WNK4: variants seen among roughly 807,000 people sequenced by gnomAD.
The protein encoded by WNK4 is serine/threonine-protein kinase WNK4.
Under a neutral mutation model 116.2 loss-of-function variants are expected in WNK4, and 94 were observed. The observed-to-expected ratio is 0.81, with a 90% confidence interval of 0.68 to 0.96. WNK4 has a LOEUF of 0.96. WNK4 is among the 40% of genes least tolerant of loss of function. The pLI, the probability that WNK4 is intolerant of heterozygous loss-of-function variation, is 0.00. For synonymous variants in WNK4, 655 were observed against 672.7 expected (o/e 0.97, Z 0.41); for missense variants, 1,542 against 1,650.6 (o/e 0.93, Z 1.14).
Position 42,780,613 on chromosome 17 carries a change from G to T in WNK4, c.-86G>T, listed in dbSNP as rs2054469825. 1.9e-6 allele frequency: 3 copies of T among 1,557,582 alleles called. No individual in the cohort carries two copies. Among genetic ancestry groups the T allele is most frequent in the Non-Finnish European group, 2.6e-6 (3 of 1,152,448 alleles). On this transcript the variant is annotated 5_prime_UTR_variant, in exon 1 of 19. Coordinates refer to ENST00000246914, the MANE Select transcript of WNK4 (RefSeq NM_032387.5). Reference sequence around the variant, plus strand: ...CTGGGGCCGCAGCCGCTCAGCCGGAGCGCAGCGCACCCAGCGAGTCCGTCT... The same window carrying T: ...CTGGGGCCGCAGCCGCTCAGCCGGATCGCAGCGCACCCAGCGAGTCCGTCT...
rs758077564 is a variant in WNK4, at chr17:42,795,538, C to G, written c.3022+17C>G. On this transcript the variant is annotated intron_variant, in intron 15 of 18. Coordinates refer to ENST00000246914, the MANE Select transcript of WNK4 (RefSeq NM_032387.5). ...TCTCTGAAGGTAAGGCCTCTGACCACTGACCTTCCCCTGCCATTATCCCTA... is the reference window on the plus strand; with the variant it reads ...TCTCTGAAGGTAAGGCCTCTGACCAGTGACCTTCCCCTGCCATTATCCCTA... 4.3e-6 allele frequency: 7 copies of G among 1,614,136 alleles called. No homozygotes were observed. The African/African-American group carries it at 8.0e-5, about 18-fold the overall frequency.
intron 11 of WNK4, among the ~76,000 whole-genome samples, chr17:42,791,716 T>C (rs2054608388): frequency 2.0e-5 from 3 of 151,776 alleles, no homozygotes; most frequent in Admixed American, 6.6e-5. Flanking sequence ...CCCAGCACTT[T>C]TGGGAGGCTG....
rs768159533 is a variant in WNK4, at chr17:42,796,131, C to T, written c.3440C>T (p.Ser1147Leu). ...ELQSLRQKHL[S>L]EVETLQTLQK... The stretch of plus-strand genomic sequence containing the variant: ...CCTCCGTGCATCCTCAGGCACTTGT[C>T]AGAGGTGGAAACACTACAGACACTA... The change falls in exon 17 of 19, where the codon TCA becomes TTA. Residue 1147 changes from serine to leucine, a missense_variant. Physicochemically the swap from Ser to Leu is moderately radical, Grantham distance 145. Around this residue, in one of 7 missense-constraint regions of WNK4, gnomAD observed 148 missense variants for 157.2 expected, o/e 0.94. Coordinates refer to ENST00000246914, the MANE Select transcript of WNK4 (RefSeq NM_032387.5). The T allele has an allele frequency of 1.5e-5, 25 of 1,613,930 alleles. No individual in the cohort carries two copies. Among genetic ancestry groups the T allele is most frequent in the Non-Finnish European group, 2.1e-5 (25 of 1,180,024 alleles).
chr17:42,784,610 A>C lies in WNK4; in HGVS notation c.1170+31A>C. 6.2e-7 allele frequency: 1 copy of C among 1,613,496 alleles called. No individual in the cohort carries two copies. Among genetic ancestry groups the C allele is most frequent in the Non-Finnish European group, 8.5e-7 (1 of 1,179,918 alleles). On this transcript the variant is annotated intron_variant, in intron 4 of 18. Transcript: ENST00000246914. This position sits in a 1 kb window ranked among gnomAD's most constrained non-coding sequence, Gnocchi z 4.4. Reference sequence around the variant, plus strand: ...AGGGATGGGGCTGGCGGGAAAGGCAATTCCAGGGCCACTTCCCCTTTTCCT... The same window carrying C: ...AGGGATGGGGCTGGCGGGAAAGGCACTTCCAGGGCCACTTCCCCTTTTCCT...
chr17:42,795,861 G>A lies in WNK4; in HGVS notation c.3259G>A (p.Glu1087Lys). The change falls in exon 16 of 19, where the codon GAA becomes AAA. Residue 1087 changes from glutamate (E) to lysine (K), a missense_variant. By Grantham distance (56) the Glu-to-Lys change is moderately conservative. Coordinates refer to ENST00000246914, the MANE Select transcript of WNK4 (RefSeq NM_032387.5). ...AEGLGAGVEE[E>K]GDDGKEPQVG... is the part of the protein sequence containing the mutation. ...GGGTCTGGGGGCTGGAGTTGAGGAGGAAGGAGATGATGGGAAGGAACCCCA... is the reference window on the plus strand; with the variant it reads ...GGGTCTGGGGGCTGGAGTTGAGGAGAAAGGAGATGATGGGAAGGAACCCCA... The A allele has an allele frequency of 6.2e-7, 1 of 1,613,228 alleles. No individual in the cohort carries two copies. The highest frequency in any genetic ancestry group is 8.5e-7 in the Non-Finnish European group (1 of 1,179,584).
In WNK4 at chr17:42,788,674, T is replaced by A; in HGVS notation, c.2041-7T>A. ...CCTTCTCCCCTCTGCTGACTTTGAA[T>A]CTGAAGGTCTCAGACCAGAATGACA... On this transcript the variant is annotated splice_polypyrimidine_tract_variant and splice_region_variant and intron_variant, in intron 10 of 18. Transcript: ENST00000246914. 1.9e-6 allele frequency: 3 copies of A among 1,611,048 alleles called. No homozygotes were observed. Among genetic ancestry groups the A allele is most frequent in the Non-Finnish European group, 2.5e-6 (3 of 1,177,292 alleles).
rs200187290 is a variant in WNK4, at chr17:42,795,258, C to G, written c.2837C>G (p.Pro946Arg). 10 of 1,613,924 alleles carry G rather than the reference C, an allele frequency of 6.2e-6. No homozygotes were observed. In the Admixed American group the frequency reaches 8.3e-5, roughly 13 times the overall value. The change falls in exon 14 of 19, where the codon CCT becomes CGT. Residue 946 changes from proline (P) to arginine (R), a missense_variant. Pro to Arg is a moderately radical substitution (Grantham distance 103). Around this residue, in one of 7 missense-constraint regions of WNK4, gnomAD observed 292 missense variants for 290.1 expected, o/e 1.01. Coordinates refer to ENST00000246914, the MANE Select transcript of WNK4 (RefSeq NM_032387.5). ...TVAQSLLSPS[P>R]GLLSQSPPAP... ...GCCCAGTCCCTGCTGTCCCCCTCAC[C>G]TGGGCTCCTTTCCCAGTCTCCTCCA...
rs1376426668 is a variant in WNK4, at chr17:42,782,754, A to G, written c.619-4A>G. The G allele has an allele frequency of 1.2e-6, 2 of 1,613,736 alleles. No individual in the cohort carries two copies. The highest frequency in any genetic ancestry group is 1.3e-5 in the African/African-American group (1 of 74,904). On this transcript the variant is annotated splice_region_variant and splice_polypyrimidine_tract_variant and intron_variant, in intron 1 of 18. Transcript: ENST00000246914. The surrounding 1 kb of genome is among the most constrained non-coding windows in gnomAD (Gnocchi z 4.2). ...TGACATGACACCCGTCCCCCATCCC[A>G]CAGACTCGGAAACTGTCTAGAGCTG... is the stretch of plus-strand genomic sequence containing the variant.
At position 42,788,355 on chromosome 17, in the gene WNK4, C is replaced by A; in HGVS notation, c.1988C>A (p.Pro663His). 1.2e-6 allele frequency: 2 copies of A among 1,613,696 alleles called. No individual in the cohort carries two copies. The highest frequency in any genetic ancestry group is 1.7e-6 in the Non-Finnish European group (2 of 1,180,008). ...GAAGGGATGGGACAAATGAGGAGACCCCCAGGGAGGAATCTCCGGCGCAGA... is the reference window on the plus strand; with the variant it reads ...GAAGGGATGGGACAAATGAGGAGACACCCAGGGAGGAATCTCCGGCGCAGA... ...VGEGMGQMRR[P>H]PGRNLRRRPR... Residue 663 changes from proline (P) to histidine (H), a missense_variant, in exon 10 of 19, where the codon CCC becomes CAC. Coordinates refer to ENST00000246914, the MANE Select transcript of WNK4 (RefSeq NM_032387.5).
rs200519604 is a variant in WNK4 at position 42,796,286 on chromosome 17, C to T, written c.3595C>T (p.Arg1199Cys). ...CAAGGGCAGCTTCCCCACCTCCCGC[C>T]GCAACAGCCTACAGCGCTCTGAGCC... is the stretch of plus-strand genomic sequence containing the variant. ...LSKGSFPTSR[R>C]NSLQRSEPPG... Residue 1199 changes from arginine (R) to cysteine (C), a missense_variant, in exon 17 of 19, where the codon CGC (arginine) becomes TGC (cysteine). Arg to Cys is a radical substitution (Grantham distance 180). Coordinates refer to ENST00000246914, the MANE Select transcript of WNK4 (RefSeq NM_032387.5). 2.2e-5 allele frequency: 36 copies of T among 1,611,910 alleles called. No homozygotes were observed. Among genetic ancestry groups the T allele is most frequent in the Admixed American group, 1.3e-4 (8 of 59,682 alleles).
intron 11 of WNK4, among the ~76,000 whole-genome samples, chr17:42,791,243 C>T (rs1028467343): frequency 6.6e-6 from 1 of 152,180 alleles, no homozygotes; most frequent in Non-Finnish European, 1.5e-5. Flanking sequence ...GATATTCACC[C>T]GAAATTATTT....
In WNK4 at chr17:42,792,159, T is replaced by G. The variant is rs542920061; in HGVS notation, c.2158-1433T>G. Among the ~76,000 whole-genome samples the G allele has an allele frequency of 5.9e-5, 9 of 152,326 alleles. No individual in the cohort carries two copies. In the South Asian group the frequency reaches 1.0e-3, roughly 18 times the overall value. ...AGTTTCTTAACTCTGTAAACTTCAG[T>G]TGCATGTAAGTAAAATGCAGATGAT... On this transcript the variant is annotated intron_variant, in intron 11 of 18. Coordinates refer to ENST00000246914, the MANE Select transcript of WNK4 (RefSeq NM_032387.5).
chr17:42,795,797 G>C lies in WNK4; in HGVS notation c.3195G>C (p.Glu1065Asp), dbSNP rs1382166430. 2 of 1,613,890 alleles carry C rather than the reference G, an allele frequency of 1.2e-6. No homozygotes were observed. The highest frequency in any genetic ancestry group is 1.7e-6 in the Non-Finnish European group (2 of 1,180,032). ...DTEDSAGGGP[E>D]TREALAESDR... Reference sequence around the variant, plus strand: ...AGGACAGTGCTGGAGGCGGGCCAGAGACCAGGGAAGCTCTGGCTGAGAGCG... The same window carrying C: ...AGGACAGTGCTGGAGGCGGGCCAGACACCAGGGAAGCTCTGGCTGAGAGCG... The change falls in exon 16 of 19, where the codon GAG (glutamate) becomes GAC (aspartate). Residue 1065 changes from glutamate to aspartate, a missense_variant. By Grantham distance (45) the Glu-to-Asp change is conservative (BLOSUM62 2). This residue lies in a region of WNK4 where 292 missense variants were observed against 290.1 expected (regional missense o/e 1.01). Coordinates refer to ENST00000246914, the MANE Select transcript of WNK4 (RefSeq NM_032387.5).
At position 42,784,578 on chromosome 17, in the gene WNK4, C is replaced by T. The variant is rs2144014636; in HGVS notation, c.1169C>T (p.Ser390Leu). Residue 390 changes from serine to leucine, a missense_variant and splice_region_variant, in exon 4 of 19, where the codon TCG (serine) becomes TTG (leucine). Physicochemically the swap from Ser to Leu is moderately radical, Grantham distance 145. Transcript: ENST00000246914. The surrounding 1 kb of genome is among the most constrained non-coding windows in gnomAD (Gnocchi z 4.4). ...NAAQIYRKVT[S>L]GRKPNSFHKV... Reference sequence around the variant, plus strand: ...GCGCAAATCTACCGCAAGGTCACTTCGGTGAGAGGGATGGGGCTGGCGGGA... The same window carrying T: ...GCGCAAATCTACCGCAAGGTCACTTTGGTGAGAGGGATGGGGCTGGCGGGA... 1.9e-6 allele frequency: 3 copies of T among 1,614,146 alleles called. No homozygotes were observed. The highest frequency in any genetic ancestry group is 2.5e-6 in the Non-Finnish European group (3 of 1,180,032).
At chr17:42,783,689 TC>T (rs1305838698) in intron 2 of WNK4, 2 of 578,088 alleles carry the variant, frequency 3.5e-6, no homozygotes, top group African/African-American at 1.9e-5. Context: ...CTTCCTGCGC[TC>T]CCACAGCACC....
rs140897013 is a variant in WNK4 at position 42,782,818 on chromosome 17, G to T, written c.679G>T (p.Gly227Trp). ...RFSEEVEMLK[G>W]LQHPNIVRFY... is the part of the protein sequence containing the mutation. ...CTCAGAGGAGGTGGAGATGCTCAAG[G>T]GGCTGCAGCACCCCAACATCGTCCG... The change falls in exon 2 of 19, where the codon GGG becomes TGG. Residue 227 changes from glycine (G) to tryptophan (W), a missense_variant. Gly to Trp is a radical substitution (Grantham distance 184). Transcript: ENST00000246914. This position sits in a 1 kb window ranked among gnomAD's most constrained non-coding sequence, Gnocchi z 4.2. 2.4e-4 allele frequency: 386 copies of T among 1,614,180 alleles called. 1 individual carries two copies. In the Admixed American group the frequency reaches 6.3e-3, roughly 26 times the overall value.
intron 9 of WNK4, 43 bp downstream of exon 9, chr17:42,788,231 G>C: frequency 6.2e-7 from 1 of 1,613,200 alleles, no homozygotes; most frequent in Non-Finnish European, 8.5e-7. Context: ...GAGACACCTG[G>C]GGCACTGGGG....
chr17:42,795,148 C>A lies in WNK4; in HGVS notation c.2727C>A (p.Cys909Ter), dbSNP rs746549700. The A allele has an allele frequency of 6.2e-7, 1 of 1,614,040 alleles. No individual in the cohort carries two copies. The highest frequency in any genetic ancestry group is 8.5e-7 in the Non-Finnish European group (1 of 1,179,998). The change falls in exon 14 of 19, where the codon TGC becomes TGA. Residue 909 changes from cysteine (C) to a stop codon, truncating the protein, a stop_gained. Coordinates refer to ENST00000246914, the MANE Select transcript of WNK4 (RefSeq NM_032387.5). LOFTEE classifies it high-confidence loss of function. ...TTAGTTCCCCTTTCTTTCCTCCGTG[C>A]CCCTCCACTTCTTCCTTCCCCTCCA... The part of the protein sequence containing the change: ...VTLSSPFFPP[C>*]PSTSSFPSTT...
At chr17:42,796,432 ACCT>A in intron 17 of WNK4, 46 bp from the exon 18 acceptor site, 2 of 1,612,112 alleles carry the variant, frequency 1.2e-6, no homozygotes, top group Non-Finnish European at 1.7e-6. Context: ...CCCTCTCCCC[ACCT>A]CCCCTTTCCT....
Sources: gnomAD v4.1 joint callset for allele counts (sites outside exome capture counted in the v4.1 genomes callset) on GRCh38, gnomAD v4.1.1 for gene constraint, gnomAD v4.1.1 regional missense constraint, Gnocchi (gnomAD v3.1) non-coding constraint, MANE v1.5 for transcripts, NCBI Gene and HGNC (gene_info 2026-07-23, HGNC 2026-07-21) for gene names.